ARVCF: variants seen among roughly 807,000 people sequenced by gnomAD.
The protein encoded by ARVCF is ARVCF delta catenin family member.
Under a neutral mutation model 90.9 loss-of-function variants are expected in ARVCF, and 66 were observed. The ratio of observed to expected loss-of-function variants is 0.73; its 90% CI spans 0.60 to 0.89. The LOEUF (loss-of-function observed/expected upper bound fraction) is 0.89. ARVCF is among the 40% of genes least tolerant of loss of function. The pLI, the probability that ARVCF is intolerant of heterozygous loss-of-function variation, is 0.00. For synonymous variants in ARVCF, 653 were observed against 603.4 expected, an observed-to-expected ratio of 1.08 and a Z score of -1.21; for missense variants, 1,469 against 1,382.3, an observed-to-expected ratio of 1.06 and a Z score of -1.00.
At chr22:20,004,214 T>TG (rs1406497041) in intron 2 of ARVCF, among the ~76,000 whole-genome samples, 1 of 152,070 alleles carries the variant, frequency 6.6e-6, no homozygotes, top group Non-Finnish European at 1.5e-5. Flanking sequence ...AAGAAAAATT[T>TG]AAAAAGACCT....
intron 3 of ARVCF, among the ~76,000 whole-genome samples, chr22:19,990,318 A>G (rs1943977219): frequency 6.6e-6 from 1 of 152,196 alleles, no homozygotes; most frequent in Non-Finnish European, 1.5e-5. Flanking sequence ...TGCCCAGAAC[A>G]GACCCCATCC....
chr22:20,011,506 C>A (rs970891563), intron 1 of ARVCF, among the ~76,000 whole-genome samples: 4 of 151,932 alleles, frequency 2.6e-5, no homozygotes. Context: ...ACGACAGCCT[C>A]TTCATCATGG....
Position 19,990,620 on chromosome 22 carries a change from G to A in ARVCF, c.175C>T (p.Pro59Ser). The change falls in exon 3 of 20, where the codon CCC (proline) becomes TCC (serine). Residue 59 changes from proline to serine, a missense_variant. Coordinates refer to ENST00000263207, the MANE Select transcript of ARVCF (RefSeq NM_001670.3). ...AGCTGTTGCCAGGCCATTGGCAGGG[G>A]CTGCCCACTGCCCATGCCACCACTG... is the stretch of plus-strand genomic sequence containing the variant. ...MVSGGMGSGQ[P>S]LPMAWQQLVL... is the part of the protein sequence containing the mutation. 6.2e-7 allele frequency: 1 copy of A among 1,610,116 alleles called. No individual in the cohort carries two copies. Among genetic ancestry groups the A allele is most frequent in the Non-Finnish European group, 8.5e-7 (1 of 1,178,936 alleles).
downstream of ARVCF, chr22:19,969,406 CCTTG>C (rs1942614841): frequency 6.6e-6 from 1 of 152,652 alleles, no homozygotes; most frequent in African/African-American, 2.4e-5. Flanking sequence ...CCCCACTGGG[CCTTG>C]CTTACAGAAG....
At chr22:19,971,359 G>C in intron 18 of ARVCF, 24 bp from the exon 19 acceptor site, 1 of 1,546,220 alleles carries the variant, frequency 6.5e-7, no homozygotes, top group African/African-American at 1.4e-5. Context: ...GTGGGCATTA[G>C]AGGCACAATA....
At chr22:19,978,136 T>C in intron 7 of ARVCF, 61 bp from the exon 8 acceptor site, 1 of 1,480,248 alleles carries the variant, frequency 6.8e-7, no homozygotes, top group Non-Finnish European at 9.1e-7. Flanking sequence ...GGCTCCACCC[T>C]GGCCTTGTGG....
intron 12 of ARVCF, 128 bp downstream of exon 12, chr22:19,973,981 ACAC>A: frequency 6.7e-7 from 1 of 1,495,628 alleles, no homozygotes; most frequent in Non-Finnish European, 8.9e-7. Flanking sequence ...CGCAGCCCAT[ACAC>A]CTCTTGGATC....
At position 19,970,595 on chromosome 22, in the gene ARVCF, C is replaced by T; in HGVS notation, c.*161G>A. The T allele has an allele frequency of 8.0e-7, 1 of 1,245,396 alleles. No individual in the cohort carries two copies. The highest frequency in any genetic ancestry group is 1.4e-5 in the South Asian group (1 of 73,256). 77.1% of individuals were successfully genotyped at this position (1,245,396 alleles called of 1,614,324 possible). On this transcript the variant is annotated 3_prime_UTR_variant, in exon 20 of 20. Transcript: ENST00000263207. The stretch of plus-strand genomic sequence containing the variant: ...GGATGGGGGGAGTGGGGTGGGGGGG[C>T]AGGAGGGTGTCCCCAAAGTCAGGCT...
intron 3 of ARVCF, among the ~76,000 whole-genome samples, chr22:19,985,394 G>A (rs1307072923): frequency 6.6e-6 from 1 of 152,222 alleles, no homozygotes; most frequent in Admixed American, 6.5e-5. Context: ...GCTTGTGGGA[G>A]GGGCCAGAGT....
chr22:19,965,720 G>T (rs1942355878), downstream of ARVCF: 1 of 152,230 alleles, frequency 6.6e-6, no homozygotes, highest in Admixed American at 6.5e-5. Context: ...GTGTGGAGAG[G>T]GCTGTGGGGA....
chr22:20,004,405 T>C (rs1262457140), intron 2 of ARVCF, among the ~76,000 whole-genome samples: 1 of 151,808 alleles, frequency 6.6e-6, no homozygotes, highest in Non-Finnish European at 1.5e-5. Context: ...AAAGAACTGC[T>C]TGAACCCAGG....
chr22:19,970,087 G>GCAGAAGCGGCAGCCCCGGCCCCAGC lies in ARVCF; in HGVS notation c.*668_*669insGCTGGGGCCGGGGCTGCCGCTTCTG. ...CCCGGAGGTGCTGCCCAGGCTCCAG[G>GCAGAAGCGGCAGCCCCGGCCCCAGC]CAGATGCGGCAGCCCCGGCCCCAGC... On this transcript the variant is annotated 3_prime_UTR_variant, in exon 20 of 20. Coordinates refer to ENST00000263207, the MANE Select transcript of ARVCF (RefSeq NM_001670.3). 1 of 985,542 alleles carries GCAGAAGCGGCAGCCCCGGCCCCAGC rather than the reference G, an allele frequency of 1.0e-6. No individual in the cohort carries two copies. The highest frequency in any genetic ancestry group is 1.2e-6 in the Non-Finnish European group (1 of 829,956). The allele number at this position is 985,542 out of a possible 1,614,324, so 61.0% of individuals were successfully genotyped here. A position where few individuals can be genotyped will look rare whatever the true frequency, so the allele number is the denominator to read the frequency against.
At chr22:19,974,886 T>C (rs895834239) in intron 11 of ARVCF, among the ~76,000 whole-genome samples, 2 of 152,160 alleles carry the variant, frequency 1.3e-5, no homozygotes, top group African/African-American at 4.8e-5. Context: ...CTCTGCCCAG[T>C]GCTCCAGAAA....
At chr22:19,975,312 T>C (rs1040555036) in intron 11 of ARVCF, among the ~76,000 whole-genome samples, 5 of 152,186 alleles carry the variant, frequency 3.3e-5, no homozygotes, top group Non-Finnish European at 7.4e-5. Context: ...GATGTGAGCA[T>C]GCCCGCCTGG....
intron 3 of ARVCF, among the ~76,000 whole-genome samples, chr22:19,982,979 G>A (rs1990277): frequency 0.35 from 52,595 of 152,150 alleles, 9,634 homozygotes; most frequent in Non-Finnish European, 0.42. Flanking sequence ...TGCCAGTGGG[G>A]AAACTGAGGC....
chr22:19,967,736 C>A, downstream of ARVCF: 1 of 267,124 alleles, frequency 3.7e-6, no homozygotes, highest in Non-Finnish European at 7.4e-6. Flanking sequence ...GTCAAATTTC[C>A]AAGACAAGGT....
chr22:19,995,823 C>T (rs922611292), intron 2 of ARVCF, among the ~76,000 whole-genome samples: 2 of 152,068 alleles, frequency 1.3e-5, no homozygotes, highest in African/African-American at 2.4e-5. Flanking sequence ...GGATGACCAT[C>T]GAGCCTCCTC....
downstream of ARVCF, chr22:19,968,558 G>A (rs750159038): frequency 6.8e-6 from 11 of 1,614,070 alleles, no homozygotes; most frequent in South Asian, 2.2e-5. Context: ...CTGCGGAAGG[G>A]GACAGTGCTA....
At chr22:19,967,178 T>C, downstream of ARVCF, 9 of 1,304,714 alleles carry the variant, frequency 6.9e-6, no homozygotes, top group Non-Finnish European at 9.1e-6. Context: ...AGTGGTCTGG[T>C]GTCTTTCAGT....
Sources: gnomAD v4.1 joint callset for allele counts (sites outside exome capture counted in the v4.1 genomes callset) on GRCh38, gnomAD v4.1.1 for gene constraint, MANE v1.5 for transcripts, NCBI Gene and HGNC (gene_info 2026-07-23, HGNC 2026-07-21) for gene names.